The following LOC122539214 variants were observed in gnomAD, a reference collection of about 807,000 sequenced individuals.
the LOC122539214 span, among the ~76,000 whole-genome samples, chr19:52,685,992 G>A: frequency 1.3e-5 from 2 of 150,914 alleles, 1 homozygote; most frequent in Admixed American, 1.3e-4. Flanking sequence ...TTGTCCAAAC[G>A]CACCAGAGGG....
the LOC122539214 span, among the ~76,000 whole-genome samples, chr19:52,659,251 T>C: frequency 1.3e-5 from 2 of 151,604 alleles, no homozygotes; most frequent in Non-Finnish European, 2.9e-5. Flanking sequence ...AAAGCTGCGA[T>C]GGAAGCATGA....
chr19:52,662,334 A>G, the LOC122539214 span, among the ~76,000 whole-genome samples: 3 of 152,166 alleles, frequency 2.0e-5, no homozygotes, highest in African/African-American at 7.2e-5. Context: ...ACCTATGGAA[A>G]TGTGCATTTG....
chr19:52,653,370 G>C, the LOC122539214 span: 7 of 1,097,890 alleles, frequency 6.4e-6, no homozygotes, highest in South Asian at 2.5e-5. Context: ...AATCACGCTG[G>C]AAAACCTTGC....
chr19:52,687,628 A>AATG, the LOC122539214 span, among the ~76,000 whole-genome samples: 1 of 16,266 alleles, frequency 6.1e-5, no homozygotes, highest in Non-Finnish European at 1.1e-4. Context: ...ATATATATAT[A>AATG]TAATGTATAT....
the LOC122539214 span, among the ~76,000 whole-genome samples, chr19:52,675,214 C>T: frequency 6.6e-6 from 1 of 152,298 alleles, no homozygotes; most frequent in East Asian, 1.9e-4. Flanking sequence ...ATTAACATTA[C>T]TTCTCAAATA....
At chr19:52,666,802 C>T in the LOC122539214 span, among the ~76,000 whole-genome samples, 3 of 152,178 alleles carry the variant, frequency 2.0e-5, no homozygotes, top group African/African-American at 7.2e-5. Flanking sequence ...CTGACCAGGC[C>T]TAGGAGGAAC....
At chr19:52,664,653 G>C in the LOC122539214 span, among the ~76,000 whole-genome samples, 1 of 151,998 alleles carries the variant, frequency 6.6e-6, no homozygotes, top group Non-Finnish European at 1.5e-5. Context: ...GGAACCCCAG[G>C]AGGTGAGCCG....
At chr19:52,673,189 A>T in the LOC122539214 span, among the ~76,000 whole-genome samples, 1 of 152,172 alleles carries the variant, frequency 6.6e-6, no homozygotes, top group South Asian at 2.1e-4. Flanking sequence ...AGACTGTGCG[A>T]AAGAGCTGGA....
the LOC122539214 span, among the ~76,000 whole-genome samples, chr19:52,688,377 T>C: frequency 6.6e-6 from 1 of 151,650 alleles, no homozygotes; most frequent in Non-Finnish European, 1.5e-5. Flanking sequence ...TCTCACTATG[T>C]TGTGCAGGCT....
the LOC122539214 span, among the ~76,000 whole-genome samples, chr19:52,681,361 T>C: frequency 2.0e-5 from 3 of 150,406 alleles, no homozygotes. Flanking sequence ...GTGATATTCA[T>C]TACCTAGATG....
At chr19:52,659,080 C>T in the LOC122539214 span, among the ~76,000 whole-genome samples, 1 of 152,172 alleles carries the variant, frequency 6.6e-6, no homozygotes, top group South Asian at 2.1e-4. Context: ...GGGCCAGGGT[C>T]CGTGGGCAGA....
At chr19:52,685,791 A>G in the LOC122539214 span, among the ~76,000 whole-genome samples, 1 of 151,874 alleles carries the variant, frequency 6.6e-6, no homozygotes, top group African/African-American at 2.4e-5. Flanking sequence ...CCAGCTACTC[A>G]GGAGGCTGAA....
At chr19:52,652,040 G>A in the LOC122539214 span, 1 of 231,908 alleles carries the variant, frequency 4.3e-6, no homozygotes. Flanking sequence ...CTACTGTTCT[G>A]CAAGGAGTGA....
chr19:52,675,438 C>G, the LOC122539214 span, among the ~76,000 whole-genome samples: 609 of 152,234 alleles, frequency 4.0e-3, 1 homozygote, highest in African/African-American at 0.014. Context: ...GGGACACAAG[C>G]GCTGAGCTGC....
chr19:52,654,508 A>C, the LOC122539214 span: 1 of 482,878 alleles, frequency 2.1e-6, no homozygotes. Flanking sequence ...CTTATTTTAA[A>C]ATTCCCAAAT....
At chr19:52,687,207 A>G in the LOC122539214 span, among the ~76,000 whole-genome samples, 1 of 147,618 alleles carries the variant, frequency 6.8e-6, no homozygotes, top group Non-Finnish European at 1.5e-5. Context: ...AGTACTATGT[A>G]GGCCAGGCGC....
At chr19:52,682,055 C>G in the LOC122539214 span, among the ~76,000 whole-genome samples, 3 of 152,054 alleles carry the variant, frequency 2.0e-5, no homozygotes, top group African/African-American at 7.2e-5. Flanking sequence ...ACCATCTTGG[C>G]CAGGCTGGTA....
At chr19:52,673,881 T>A in the LOC122539214 span, among the ~76,000 whole-genome samples, 1 of 150,938 alleles carries the variant, frequency 6.6e-6, no homozygotes, top group African/African-American at 2.4e-5. Context: ...CCGGGCCTGG[T>A]GGTGTGTGCC....
the LOC122539214 span, chr19:52,690,373 C>A: frequency 1.3e-5 from 2 of 155,918 alleles, no homozygotes; most frequent in Admixed American, 1.3e-4. Flanking sequence ...CTGTGGGGAC[C>A]CTAGGTCCGA....
Sources: allele counts gnomAD v4.1 joint callset (sites outside exome capture counted in the v4.1 genomes callset), GRCh38; gene constraint gnomAD v4.1.1; transcripts MANE v1.5.